TENM1: variants seen among roughly 807,000 people sequenced by gnomAD.
The protein encoded by TENM1 is teneurin-1.
A neutral mutation model predicts 174.8 loss-of-function variants in TENM1; 35 were observed. The ratio of observed to expected loss-of-function variants is 0.20; its 90% CI spans 0.15 to 0.27. The LOEUF (loss-of-function observed/expected upper bound fraction) is 0.27. TENM1 is among the 10% of genes least tolerant of loss of function. The pLI, the probability that TENM1 is intolerant of heterozygous loss-of-function variation, is 1.00. For synonymous variants in TENM1, 781 were observed against 798.7 expected (o/e 0.98, Z 0.37); for missense variants, 1,633 against 2,130.1 (o/e 0.77, Z 4.59).
chrX:124,976,385 T>C, the TENM1 span, among the ~76,000 whole-genome samples: 2 of 111,758 alleles, frequency 1.8e-5, no homozygotes, highest in Non-Finnish European at 3.8e-5. Flanking sequence ...CCTGTACTCT[T>C]AATTTCTTTG....
chrX:124,573,091 T>G (rs1012031442), intron 11 of TENM1, among the ~76,000 whole-genome samples: 1 of 111,588 alleles, frequency 9.0e-6, no homozygotes, highest in Non-Finnish European at 1.9e-5. Flanking sequence ...TATGTCTGTC[T>G]GAACCTAAAT....
chrX:124,974,288 T>C, the TENM1 span, among the ~76,000 whole-genome samples: 18 of 111,771 alleles, frequency 1.6e-4, no homozygotes, highest in Non-Finnish European at 3.0e-4. Flanking sequence ...CACTGTTACT[T>C]TGGACATTAA....
At chrX:124,966,696 G>A (rs184757604), upstream of TENM1, among the ~76,000 whole-genome samples, 103 of 109,646 alleles carry the variant, frequency 9.4e-4, no homozygotes, top group African/African-American at 3.2e-3. Flanking sequence ...GGTACGTCTC[G>A]TCTTTCTTCT....
chrX:124,809,983 C>G, intron 3 of TENM1, among the ~76,000 whole-genome samples: 1 of 110,976 alleles, frequency 9.0e-6, no homozygotes, highest in Admixed American at 9.6e-5. Context: ...TCATTTCCCA[C>G]CAGACCACTG....
intron 3 of TENM1, among the ~76,000 whole-genome samples, chrX:124,739,917 C>G (rs764170330): frequency 8.9e-6 from 1 of 112,227 alleles, no homozygotes; most frequent in South Asian, 3.7e-4. Context: ...CCCTTTGGCT[C>G]TCATTCTGAT....
At chrX:124,381,325 C>T in intron 31 of TENM1, 31 bp from the exon 35 acceptor site, 1 of 1,156,969 alleles carries the variant, frequency 8.6e-7, no homozygotes, top group South Asian at 2.0e-5. Flanking sequence ...GCAGATGCAG[C>T]ATGGAGTTAG....
At chrX:124,787,878 T>C (rs1055336390) in intron 3 of TENM1, among the ~76,000 whole-genome samples, 1 of 111,970 alleles carries the variant, frequency 8.9e-6, no homozygotes, top group Admixed American at 9.5e-5. Context: ...GATAAAGACA[T>C]ACCTGAGACT....
intron 27 of TENM1, among the ~76,000 whole-genome samples, chrX:124,396,180 G>C (rs774217882): frequency 3.6e-5 from 4 of 111,093 alleles, no homozygotes; most frequent in African/African-American, 9.9e-5. Context: ...TGTAAAATTC[G>C]GCTAAGAGCT....
At chrX:124,703,928 A>G (rs1242380249) in intron 5 of TENM1, among the ~76,000 whole-genome samples, 1 of 112,499 alleles carries the variant, frequency 8.9e-6, no homozygotes, top group East Asian at 2.8e-4. Flanking sequence ...AGCGCAGGCT[A>G]TGATCCTATA....
At chrX:124,556,575 G>C (rs1332706703) in intron 14 of TENM1, among the ~76,000 whole-genome samples, 1 of 111,470 alleles carries the variant, frequency 9.0e-6, no homozygotes, top group African/African-American at 3.3e-5. Context: ...CATTAAACAA[G>C]GGCAATTTGC....
chrX:124,464,644 G>A (rs1187026402), intron 22 of TENM1, among the ~76,000 whole-genome samples: 1 of 111,977 alleles, frequency 8.9e-6, no homozygotes, highest in Non-Finnish European at 1.9e-5. Context: ...GGAGGTTCAA[G>A]AGACGTTTGG....
At chrX:124,560,853 G>A (rs2048803432) in intron 14 of TENM1, among the ~76,000 whole-genome samples, 1 of 111,533 alleles carries the variant, frequency 9.0e-6, no homozygotes. Context: ...GTTTCCTCGA[G>A]TAGAAGGTAT....
chrX:124,850,474 GGA>G (rs1248309545), intron 3 of TENM1, among the ~76,000 whole-genome samples: 11 of 111,266 alleles, frequency 9.9e-5, no homozygotes, highest in Non-Finnish European at 2.1e-4. Context: ...TTTCTATTAA[GGA>G]AGTAAACTCT....
At chrX:125,102,276 T>C in the TENM1 span, among the ~76,000 whole-genome samples, 1 of 107,844 alleles carries the variant, frequency 9.3e-6, no homozygotes, top group Non-Finnish European at 1.9e-5. Context: ...ATTCAGGGAG[T>C]TTTACTTCTT....
At chrX:125,200,678 A>AGAGAG in the TENM1 span, among the ~76,000 whole-genome samples, 1 of 106,705 alleles carries the variant, frequency 9.4e-6, no homozygotes, top group Non-Finnish European at 2.0e-5. Context: ...AGAGAGAGAG[A>AGAGAG]ACAAATATGA....
the TENM1 span, among the ~76,000 whole-genome samples, chrX:125,031,243 G>A: frequency 9.0e-6 from 1 of 110,802 alleles, no homozygotes; most frequent in Non-Finnish European, 1.9e-5. Flanking sequence ...ATTCACCTGG[G>A]ATAATGGCCT....
intron 11 of TENM1, among the ~76,000 whole-genome samples, chrX:124,607,172 AATAG>A (rs2050178780): frequency 9.0e-6 from 1 of 111,631 alleles, no homozygotes. Context: ...TGGTGGTCAA[AATAG>A]ATATTTTCTA....
the TENM1 span, among the ~76,000 whole-genome samples, chrX:125,094,034 C>T: frequency 8.9e-6 from 1 of 112,292 alleles, no homozygotes; most frequent in African/African-American, 3.2e-5. Flanking sequence ...GTGCCACCTT[C>T]AGGCTGAACA....
chrX:124,967,727 T>C (rs1191835807), upstream of TENM1, among the ~76,000 whole-genome samples: 2 of 111,779 alleles, frequency 1.8e-5, no homozygotes, highest in African/African-American at 6.5e-5. Flanking sequence ...CTAGGTCGCA[T>C]TGCAATCTCC....
Sources: allele counts gnomAD v4.1 joint callset (sites outside exome capture counted in the v4.1 genomes callset), GRCh38; gene constraint gnomAD v4.1.1; transcripts MANE v1.5; gene names NCBI Gene and HGNC (gene_info 2026-07-23, HGNC 2026-07-21).